Variants in DMBT1 observed in about 807,000 individuals in gnomAD.
The protein encoded by DMBT1 is scavenger receptor cysteine-rich domain-containing protein DMBT1.
In DMBT1, 198 loss-of-function variants were observed where a neutral mutation model predicts 252.9. The observed-to-expected ratio is 0.78, with a 90% CI of 0.70 to 0.88. The LOEUF is 0.88. Among genes scored for constraint, DMBT1 ranks in the 40% least tolerant of loss-of-function variants. The pLI is 0.00. For synonymous variants in DMBT1, 990 were observed against 942.7 expected, an observed-to-expected ratio of 1.05 and a Z score of -0.92; for missense variants, 2,432 against 2,404.7, an observed-to-expected ratio of 1.01 and a Z score of -0.24.
chr10:122,632,259 C>T (rs977024895), intron 50 of DMBT1, among the ~76,000 whole-genome samples: 2 of 151,972 alleles, frequency 1.3e-5, no homozygotes, highest in Non-Finnish European at 2.9e-5. Flanking sequence ...CAACACCCCC[C>T]ACTGCCCCGC....
chr10:122,636,180 T>C lies in DMBT1; in HGVS notation c.6738T>C (p.Ser2246=). The C allele has an allele frequency of 1.2e-6, 2 of 1,613,610 alleles. No individual in the cohort carries two copies. The highest frequency in any genetic ancestry group is 1.7e-6 in the Non-Finnish European group (2 of 1,179,684). ...RRGFRAEYYS[S]PSNDSTNLLC... ...GGTTCCGGGCTGAGTACTACTCCAG[T>C]CCCTCCAATGACAGCACCAGTAAGT... is the stretch of plus-strand genomic sequence containing the variant. Residue 2246 remains serine, a synonymous_variant, in exon 53 of 56, where the codon AGT becomes AGC. Coordinates refer to ENST00000338354, the MANE Select transcript of DMBT1 (RefSeq NM_001377530.1).
intron 2 of DMBT1, among the ~76,000 whole-genome samples, chr10:122,569,252 C>A (rs2097637780): frequency 6.6e-6 from 1 of 152,188 alleles, no homozygotes; most frequent in African/African-American, 2.4e-5. Context: ...GTGGCAGTTT[C>A]TCCTCCTTTA....
At chr10:122,578,630 A>G in intron 8 of DMBT1, 88 bp from the exon 9 acceptor site, 1 of 1,158,798 alleles carries the variant, frequency 8.6e-7, no homozygotes, top group Admixed American at 2.0e-5. Context: ...TTGTTTTCAC[A>G]GTGCTTGCCT....
At chr10:122,579,151 T>G (rs2097741621) in intron 9 of DMBT1, among the ~76,000 whole-genome samples, 1 of 152,040 alleles carries the variant, frequency 6.6e-6, no homozygotes, top group African/African-American at 2.4e-5. Context: ...GATCCTTATC[T>G]ATGGGCTCAG....
intron 27 of DMBT1, among the ~76,000 whole-genome samples, chr10:122,600,755 G>C (rs146595112): frequency 0.013 from 1,975 of 152,126 alleles, 43 homozygotes; most frequent in African/African-American, 0.042. Flanking sequence ...CATCCTCTAA[G>C]AGATAGAAAG....
At chr10:122,580,096 C>A (rs1207392827) in intron 10 of DMBT1, among the ~76,000 whole-genome samples, 195 bp downstream of exon 10, 3 of 152,202 alleles carry the variant, frequency 2.0e-5, no homozygotes, top group Non-Finnish European at 2.9e-5. Flanking sequence ...GGGGATCAAA[C>A]TAAAACAACC....
chr10:122,599,122 A>T, intron 26 of DMBT1, 25 bp downstream of exon 26: 1 of 1,613,556 alleles, frequency 6.2e-7, no homozygotes, highest in Non-Finnish European at 8.5e-7. Flanking sequence ...ACTTGGGATC[A>T]CTCTCTTGGG....
intron 46 of DMBT1, among the ~76,000 whole-genome samples, chr10:122,626,449 C>G (rs1190763628): frequency 1.3e-5 from 2 of 152,132 alleles, no homozygotes; most frequent in Non-Finnish European, 2.9e-5. Flanking sequence ...TTCTTCATTA[C>G]TGTAAATGAT....
rs777579475 is a variant in DMBT1 at position 122,579,774 on chromosome 10, C to A, written c.876C>A (p.Gly292=). The change falls in exon 10 of 56, where the codon GGC becomes GGA. Residue 292 remains glycine (G), a synonymous_variant. Transcript: ENST00000338354. ...SAPGNAQFGQ[G]SGPIVLDDVR... ...CAGGAAATGCCCAGTTTGGCCAGGG[C>A]TCAGGACCCATTGTCCTGGATGATG... The A allele has an allele frequency of 6.2e-7, 1 of 1,613,812 alleles. No homozygotes were observed. Among genetic ancestry groups the A allele is most frequent in the East Asian group, 2.2e-5 (1 of 44,870 alleles).
chr10:122,617,296 A>C lies in DMBT1; in HGVS notation c.4891+36A>C, dbSNP rs2277246. 33 of 1,596,620 alleles carry C rather than the reference A, an allele frequency of 2.1e-5. 6 individuals carry two copies. In the East Asian group the frequency reaches 7.6e-4, roughly 37 times the overall value. ...CTCTCACCCCTCCCTAGGGCTCACT[A>C]TCTCTGGACATATTTTGTGTTTGAA... On this transcript the variant is annotated intron_variant, in intron 40 of 55. Coordinates refer to ENST00000338354, the MANE Select transcript of DMBT1 (RefSeq NM_001377530.1).
At position 122,598,765 on chromosome 10, in the gene DMBT1, C is replaced by T. The variant is rs765300686; in HGVS notation, c.2957-9C>T. 2 of 1,612,802 alleles carry T rather than the reference C, an allele frequency of 1.2e-6. No individual in the cohort carries two copies. Among genetic ancestry groups the T allele is most frequent in the Non-Finnish European group, 8.5e-7 (1 of 1,179,716 alleles). On this transcript the variant is annotated splice_polypyrimidine_tract_variant and intron_variant, in intron 25 of 55. Coordinates refer to ENST00000338354, the MANE Select transcript of DMBT1 (RefSeq NM_001377530.1). ...GGGATGGATGAAGGATTCTTGTGTT[C>T]CCCTGTAGGATCTGAATCCAGTTTG...
At chr10:122,579,458 C>T in intron 9 of DMBT1, 120 bp from the exon 10 acceptor site, 5 of 1,567,628 alleles carry the variant, frequency 3.2e-6, no homozygotes, top group Non-Finnish European at 4.3e-6. Context: ...TGGTCATATG[C>T]AAAGGTGACT....
chr10:122,637,631 A>C (rs1324963742), intron 54 of DMBT1, among the ~76,000 whole-genome samples: 1 of 152,202 alleles, frequency 6.6e-6, no homozygotes, highest in Non-Finnish European at 1.5e-5. Context: ...TGAAGCTTAT[A>C]CAGTTAGGGT....
At chr10:122,621,479 G>T in intron 44 of DMBT1, 99 bp downstream of exon 44, 1 of 1,550,222 alleles carries the variant, frequency 6.5e-7, no homozygotes, top group South Asian at 1.2e-5. Flanking sequence ...AGCTTCTCCT[G>T]TGTTTCCTGT....
chr10:122,620,763 C>T (rs1254623748), intron 43 of DMBT1, among the ~76,000 whole-genome samples: 1 of 152,242 alleles, frequency 6.6e-6, no homozygotes, highest in African/African-American at 2.4e-5. Context: ...AGCTGTGCAG[C>T]TTCATCCTGT....
intron 2 of DMBT1, 76 bp from the exon 3 acceptor site, chr10:122,570,086 G>C (rs1591166201): frequency 7.5e-7 from 1 of 1,335,510 alleles, no homozygotes; most frequent in Non-Finnish European, 1.1e-6. Flanking sequence ...TCTTGCTTGA[G>C]AGCTGAGGAA....
At position 122,597,869 on chromosome 10, in the gene DMBT1, G is replaced by A. The variant is rs978581917; in HGVS notation, c.2918-105G>A. ...CATGGGGAGCAAGTGGCAGGAACCA[G>A]AAGTGGGGTAGTTTTCATGATGTTT... is the stretch of plus-strand genomic sequence containing the variant. On this transcript the variant is annotated intron_variant, in intron 24 of 55. Transcript: ENST00000338354. The A allele has an allele frequency of 8.4e-6, 13 of 1,556,836 alleles. No homozygotes were observed. In the African/African-American group the frequency reaches 1.2e-4, roughly 15 times the overall value.
intron 54 of DMBT1, among the ~76,000 whole-genome samples, chr10:122,638,497 C>G (rs1259926648): frequency 2.0e-5 from 3 of 152,202 alleles, no homozygotes; most frequent in African/African-American, 7.2e-5. Flanking sequence ...GATGCCCAGG[C>G]AGGGGTGCAT....
intron 21 of DMBT1, 78 bp downstream of exon 21, chr10:122,593,676 C>G: frequency 7.0e-7 from 1 of 1,428,388 alleles, no homozygotes; most frequent in South Asian, 1.3e-5. Flanking sequence ...ACAGAGCTCT[C>G]CTGTTTCTCT....
Sources: allele counts gnomAD v4.1 joint callset (sites outside exome capture counted in the v4.1 genomes callset), GRCh38; gene constraint gnomAD v4.1.1; transcripts MANE v1.5; gene names NCBI Gene and HGNC (gene_info 2026-07-23, HGNC 2026-07-21).